The following IL15 variants were observed in gnomAD, a reference collection of about 807,000 sequenced individuals.
IL15 encodes interleukin-15.
In IL15, 11 loss-of-function variants were observed where a neutral mutation model predicts 19.6. That is an observed-to-expected ratio of 0.56 (90% CI 0.35 to 0.93). IL15 has a LOEUF of 0.93. Among genes scored for constraint, IL15 ranks in the 40% least tolerant of loss-of-function variants. The probability of loss-of-function intolerance (pLI) is 0.01; values close to 1 mark genes in which losing one functional copy is unlikely to be tolerated. For missense variants in IL15, 197 were observed against 186.5 expected, an observed-to-expected ratio of 1.06 and a Z score of -0.33; for synonymous variants, 58 against 59.6, an observed-to-expected ratio of 0.97 and a Z score of 0.12.
chr4:141,690,700 C>T (rs190114677), intron 2 of IL15, among the ~76,000 whole-genome samples: 53 of 152,312 alleles, frequency 3.5e-4, no homozygotes, highest in Non-Finnish European at 6.2e-4. Flanking sequence ...AATACAAATT[C>T]GATCATGCCA....
chr4:141,643,597 A>G (rs1333004966), intron 1 of IL15, among the ~76,000 whole-genome samples: 1 of 151,984 alleles, frequency 6.6e-6, no homozygotes, highest in East Asian at 1.9e-4. Context: ...TTTTCCTTTT[A>G]CCATACCAGC....
chr4:141,731,582 T>G (rs1730453726), intron 7 of IL15, among the ~76,000 whole-genome samples: 1 of 152,202 alleles, frequency 6.6e-6, no homozygotes, highest in Non-Finnish European at 1.5e-5. Context: ...GAGTGTGACA[T>G]ACGTGCTGGA....
At chr4:141,670,091 A>G (rs1174424129) in intron 2 of IL15, among the ~76,000 whole-genome samples, 3 of 151,486 alleles carry the variant, frequency 2.0e-5, no homozygotes, top group African/African-American at 7.3e-5. Flanking sequence ...TCAACTAGAT[A>G]TAAAAATAGA....
chr4:141,658,134 T>C (rs1727669311), intron 2 of IL15, among the ~76,000 whole-genome samples: 1 of 152,156 alleles, frequency 6.6e-6, no homozygotes, highest in Non-Finnish European at 1.5e-5. Flanking sequence ...GTTCTCATGA[T>C]AGTGAGTTCT....
At chr4:141,672,435 G>T (rs1456343767) in intron 2 of IL15, among the ~76,000 whole-genome samples, 1 of 152,138 alleles carries the variant, frequency 6.6e-6, no homozygotes, top group Non-Finnish European at 1.5e-5. Context: ...TTTTAATCAA[G>T]TAGTTTCAAT....
At chr4:141,706,335 C>T (rs1450995672) in intron 2 of IL15, among the ~76,000 whole-genome samples, 2 of 151,890 alleles carry the variant, frequency 1.3e-5, no homozygotes, top group African/African-American at 4.8e-5. Flanking sequence ...CAGATGTTTT[C>T]TCTTTTCTTT....
At chr4:141,695,300 T>C (rs887654563) in intron 2 of IL15, among the ~76,000 whole-genome samples, 1 of 116,004 alleles carries the variant, frequency 8.6e-6, no homozygotes, top group South Asian at 3.1e-4. Flanking sequence ...TTTTTTTTTT[T>C]AAGATTCCAC....
intron 2 of IL15, among the ~76,000 whole-genome samples, chr4:141,707,010 A>C (rs975158396): frequency 6.6e-6 from 1 of 152,102 alleles, no homozygotes; most frequent in African/African-American, 2.4e-5. Context: ...CCTTTAAAAA[A>C]ATTTCTTCTT....
chr4:141,648,325 A>AG (rs539237718), intron 1 of IL15, among the ~76,000 whole-genome samples: 209 of 152,212 alleles, frequency 1.4e-3, no homozygotes, highest in African/African-American at 4.2e-3. Context: ...ATTTTGTGCC[A>AG]GTTTTATTAT....
rs547183791 is a variant in IL15, at chr4:141,728,429, G to T, written c.240+445G>T. On this transcript the variant is annotated intron_variant, in intron 6 of 7. Transcript: ENST00000320650. ...GCATTTTACATGATTCTCTACATTTGTCAGAAAAAGATTCTAATTATTCTC... is the reference window on the plus strand; with the variant it reads ...GCATTTTACATGATTCTCTACATTTTTCAGAAAAAGATTCTAATTATTCTC... Among the ~76,000 whole-genome samples the T allele has an allele frequency of 1.2e-4, 18 of 152,104 alleles. No homozygotes were observed. The South Asian group carries it at 3.5e-3, about 30-fold the overall frequency.
At chr4:141,688,523 C>T (rs1328357933) in intron 2 of IL15, among the ~76,000 whole-genome samples, 1 of 152,052 alleles carries the variant, frequency 6.6e-6, no homozygotes, top group Non-Finnish European at 1.5e-5. Context: ...TGACCAATAA[C>T]CTGAAGCAAT....
chr4:141,646,589 T>C (rs1351075581), intron 1 of IL15, among the ~76,000 whole-genome samples: 1 of 152,124 alleles, frequency 6.6e-6, no homozygotes, highest in African/African-American at 2.4e-5. Context: ...ATTTTTCAGA[T>C]TTTGGAAAGT....
chr4:141,702,540 G>A (rs192441401), intron 2 of IL15, among the ~76,000 whole-genome samples: 1 of 152,340 alleles, frequency 6.6e-6, no homozygotes, highest in East Asian at 1.9e-4. Context: ...TATACTAATA[G>A]TGAACTTGTC....
chr4:141,650,454 G>T (rs1727368370), intron 1 of IL15, among the ~76,000 whole-genome samples: 1 of 151,996 alleles, frequency 6.6e-6, no homozygotes, highest in Non-Finnish European at 1.5e-5. Flanking sequence ...ATGAAGCAGA[G>T]CCCTTTTGAA....
intron 1 of IL15, among the ~76,000 whole-genome samples, chr4:141,640,931 T>C (rs995931202): frequency 2.6e-5 from 4 of 152,148 alleles, no homozygotes; most frequent in African/African-American, 7.2e-5. Flanking sequence ...GAAAATATGA[T>C]GGTTGTAAGG....
In IL15 at chr4:141,732,807, A is replaced by T. The variant is rs1488547419; in HGVS notation, c.448A>T (p.Ser150Cys). ...EEKNIKEFLQ[S>C]FVHIVQMFIN... ...AAAAAATATTAAAGAATTTTTGCAGAGTTTTGTACATATTGTCCAAATGTT... is the reference window on the plus strand; with the variant it reads ...AAAAAATATTAAAGAATTTTTGCAGTGTTTTGTACATATTGTCCAAATGTT... The change falls in exon 8 of 8, where the codon AGT (serine) becomes TGT (cysteine). Residue 150 changes from serine (S) to cysteine (C), a missense_variant. By Grantham distance (112) the Ser-to-Cys change is moderately radical. Coordinates refer to ENST00000320650, the MANE Select transcript of IL15 (RefSeq NM_000585.5). 1 of 1,612,366 alleles carries T rather than the reference A, an allele frequency of 6.2e-7. No homozygotes were observed. The highest frequency in any genetic ancestry group is 1.1e-5 in the South Asian group (1 of 90,400).
chr4:141,689,558 C>T (rs1002717705), intron 2 of IL15, among the ~76,000 whole-genome samples: 4 of 151,832 alleles, frequency 2.6e-5, no homozygotes, highest in African/African-American at 4.8e-5. Context: ...TACAGAGTGC[C>T]GATTGGTGTA....
chr4:141,695,628 T>C (rs1026995235), intron 2 of IL15, among the ~76,000 whole-genome samples: 21 of 152,072 alleles, frequency 1.4e-4, no homozygotes, highest in Non-Finnish European at 2.2e-4. Context: ...GGTAGTTCTG[T>C]TTTTAATTGT....
Position 141,732,813 on chromosome 4 carries a change from G to T in IL15, c.454G>T (p.Val152Leu). 1 of 1,611,792 alleles carries T rather than the reference G, an allele frequency of 6.2e-7. No homozygotes were observed. The highest frequency in any genetic ancestry group is 8.5e-7 in the Non-Finnish European group (1 of 1,179,362). ...KNIKEFLQSFVHIVQMFINTS is the reference protein window; with the variant it reads ...KNIKEFLQSFLHIVQMFINTS ...TATTAAAGAATTTTTGCAGAGTTTT[G>T]TACATATTGTCCAAATGTTCATCAA... Residue 152 changes from valine (V) to leucine (L), a missense_variant, in exon 8 of 8, where the codon GTA (valine) becomes TTA (leucine). By Grantham distance (32) the Val-to-Leu change is conservative. Transcript: ENST00000320650.
Sources: gnomAD v4.1 joint callset for allele counts (sites outside exome capture counted in the v4.1 genomes callset) on GRCh38, gnomAD v4.1.1 for gene constraint, MANE v1.5 for transcripts, NCBI Gene and HGNC (gene_info 2026-07-23, HGNC 2026-07-21) for gene names.